The following AP4S1 variants were observed in gnomAD, a reference collection of about 807,000 sequenced individuals.
AP4S1 encodes AP-4 complex subunit sigma-1.
AP4S1 carries 23 observed loss-of-function variants against 19.8 expected under a neutral mutation model. That is an observed-to-expected ratio of 1.16 (90% CI 0.84 to 1.65). AP4S1 has a LOEUF of 1.65. Ranked by LOEUF, AP4S1 falls within the 40% of genes most tolerant of loss-of-function variation. AP4S1 has a pLI of 0.00. For missense variants in AP4S1, 166 were observed against 172.8 expected (o/e 0.96, Z 0.22); for synonymous variants, 46 against 54.1 (o/e 0.85, Z 0.66).
intron 1 of AP4S1, among the ~76,000 whole-genome samples, chr14:31,036,042 A>G (rs1884753009): frequency 6.7e-6 from 1 of 149,610 alleles, no homozygotes; most frequent in Non-Finnish European, 1.5e-5. Context: ...AGACCAGGTT[A>G]TTTATCCTGG....
At chr14:31,026,330 G>A (rs1883931315) in intron 1 of AP4S1, 1 of 847,890 alleles carries the variant, frequency 1.2e-6, no homozygotes, top group Non-Finnish European at 1.6e-6. Flanking sequence ...CCTGCCGTGG[G>A]TCAGAGCAGG....
chr14:31,090,061 T>C (rs2139126300), intron 5 of AP4S1, among the ~76,000 whole-genome samples: 1 of 152,368 alleles, frequency 6.6e-6, no homozygotes, highest in Admixed American at 6.5e-5. Flanking sequence ...CAGTTTTGGC[T>C]CTCTGCAACC....
At chr14:31,047,167 T>C (rs1885456237) in intron 1 of AP4S1, among the ~76,000 whole-genome samples, 1 of 152,212 alleles carries the variant, frequency 6.6e-6, no homozygotes, top group Non-Finnish European at 1.5e-5. Flanking sequence ...ATTTATTTCC[T>C]AATTCATTGT....
In AP4S1 at chr14:31,093,005, A is replaced by G; in HGVS notation, c.405A>G (p.Leu135=). 1.3e-6 allele frequency: 2 copies of G among 1,548,436 alleles called. No individual in the cohort carries two copies. Among genetic ancestry groups the G allele is most frequent in the African/African-American group, 2.7e-5 (2 of 73,068 alleles). ...ETNRARILAP[L]LILDKMSES is the part of the protein sequence containing the mutation. ...ACAGGGCAAGAATTCTTGCCCCTCT[A>G]CTAATTCTTGATAAGATGTCAGAAA... Residue 135 remains leucine (L), a synonymous_variant, in exon 6 of 6, where the codon CTA becomes CTG. Transcript: ENST00000542754.
rs983042307 is a variant in AP4S1, at chr14:31,071,921, G to C, written c.226-984G>C. On this transcript the variant is annotated intron_variant, in intron 3 of 5. Coordinates refer to ENST00000542754, the MANE Select transcript of AP4S1 (RefSeq NM_001128126.3). The stretch of plus-strand genomic sequence containing the variant: ...TATTTATTTATTTATTTATTTATTT[G>C]ATTTTTTTTGGGGGGGTGGGGATGG... Among the ~76,000 whole-genome samples the C allele has an allele frequency of 9.6e-5, 6 of 62,590 alleles. No homozygotes were observed. In the Admixed American group the frequency reaches 1.3e-3, roughly 14 times the overall value. The allele number at this position is 62,590 out of a possible 152,430, so 41.1% of individuals were successfully genotyped here.
chr14:31,073,261 T>G (rs111419410), intron 4 of AP4S1: 105 of 345,586 alleles, frequency 3.0e-4, no homozygotes, highest in Non-Finnish European at 5.4e-4. Flanking sequence ...GAGGCTAAGG[T>G]GGGCAGATCA....
Position 31,025,724 on chromosome 14 carries a change from G to A in AP4S1, c.-135G>A, listed in dbSNP as rs914785946. 2 of 855,820 alleles carry A rather than the reference G, an allele frequency of 2.3e-6. No individual in the cohort carries two copies. Among genetic ancestry groups the A allele is most frequent in the South Asian group, 3.6e-5 (2 of 56,290 alleles). 53.0% of individuals were successfully genotyped at this position (855,820 alleles called of 1,614,324 possible). Reference sequence around the variant, plus strand: ...GAAGGTTGGGGAGCAAGCTTATGCGGGAAAGAGGGAGGGGGACTCCAGGAA... The same window carrying A: ...GAAGGTTGGGGAGCAAGCTTATGCGAGAAAGAGGGAGGGGGACTCCAGGAA... On this transcript the variant is annotated 5_prime_UTR_variant, in exon 1 of 6. Transcript: ENST00000542754.
In AP4S1 at chr14:31,072,931, T is replaced by G. The variant is rs751887034; in HGVS notation, c.252T>G (p.Ile84Met). 3.1e-6 allele frequency: 5 copies of G among 1,613,912 alleles called. No individual in the cohort carries two copies. The highest frequency in any genetic ancestry group is 4.2e-6 in the Non-Finnish European group (5 of 1,179,838). ...TENEMAIYEFIHNFVEVLDEY... is the reference protein window; with the variant it reads ...TENEMAIYEFMHNFVEVLDEY... ...ACGAGATGGCTATTTATGAATTCAT[T>G]CATAACTTTGTGGAAGTTTTAGATG... Residue 84 changes from isoleucine (I) to methionine (M), a missense_variant, in exon 4 of 6, where the codon ATT becomes ATG. Ile to Met is a conservative substitution (Grantham distance 10). Transcript: ENST00000542754.
intron 1 of AP4S1, among the ~76,000 whole-genome samples, chr14:31,063,817 T>G (rs1337423410): frequency 6.6e-6 from 1 of 152,206 alleles, no homozygotes; most frequent in African/African-American, 2.4e-5. Context: ...TTTTGGCAAA[T>G]GTACCATGGT....
chr14:31,065,332 G>A lies in AP4S1; in HGVS notation c.-71-794G>A, dbSNP rs1437949468. Among the ~76,000 whole-genome samples the A allele has an allele frequency of 2.0e-5, 3 of 152,112 alleles. No homozygotes were observed. The East Asian group carries it at 5.8e-4, about 29-fold the overall frequency. On this transcript the variant is annotated intron_variant, in intron 1 of 5. Transcript: ENST00000542754. ...GACCTCACATCAGTGCCCCTTCTCC[G>A]GGAAGCAGTTCTTCACTCTCCTGTG...
At chr14:31,052,864 G>A (rs1481270113) in intron 1 of AP4S1, among the ~76,000 whole-genome samples, 1 of 150,642 alleles carries the variant, frequency 6.6e-6, no homozygotes, top group Non-Finnish European at 1.5e-5. Context: ...CTATTTCCCT[G>A]TAGACTTATC....
intron 1 of AP4S1, among the ~76,000 whole-genome samples, chr14:31,060,789 C>T (rs1886394546): frequency 6.6e-6 from 1 of 152,150 alleles, no homozygotes; most frequent in Non-Finnish European, 1.5e-5. Flanking sequence ...TTCTTCCATG[C>T]AATCTGCTTA....
intron 1 of AP4S1, among the ~76,000 whole-genome samples, chr14:31,030,360 A>T (rs1232344545): frequency 1.3e-5 from 2 of 152,038 alleles, no homozygotes; most frequent in Admixed American, 1.3e-4. Context: ...GTGAGTACTC[A>T]ATTTTTGCTT....
intron 1 of AP4S1, among the ~76,000 whole-genome samples, chr14:31,054,582 T>C (rs987185538): frequency 2.0e-5 from 3 of 152,130 alleles, no homozygotes; most frequent in Non-Finnish European, 2.9e-5. Context: ...CTTGGGAGGC[T>C]GAGGCAGGAG....
At chr14:31,068,471 C>T (rs1240911105) in intron 2 of AP4S1, among the ~76,000 whole-genome samples, 1 of 152,232 alleles carries the variant, frequency 6.6e-6, no homozygotes. Context: ...TGAATTACTA[C>T]TTTGGCCTGC....
At chr14:31,051,409 G>C in intron 1 of AP4S1, among the ~76,000 whole-genome samples, 1 of 152,152 alleles carries the variant, frequency 6.6e-6, no homozygotes, top group East Asian at 1.9e-4. Flanking sequence ...TGTGGCTCAC[G>C]CCTGTAATCC....
At chr14:31,075,394 G>T (rs1459510919) in intron 4 of AP4S1, among the ~76,000 whole-genome samples, 2 of 152,054 alleles carry the variant, frequency 1.3e-5, no homozygotes, top group African/African-American at 2.4e-5. Flanking sequence ...ATTCCATTGT[G>T]TATATATACC....
At chr14:31,085,758 C>T (rs762766279) in intron 5 of AP4S1, 15 of 932,196 alleles carry the variant, frequency 1.6e-5, no homozygotes, top group South Asian at 9.9e-5. Context: ...GGCAACAGAG[C>T]GAGACCTTGT....
chr14:31,074,354 A>AATAAATAAATAT (rs1887230873), intron 4 of AP4S1, among the ~76,000 whole-genome samples: 7 of 143,398 alleles, frequency 4.9e-5, no homozygotes, highest in Admixed American at 1.4e-4. Context: ...TAAATAAATA[A>AATAAATAAATAT]ATAAATAAAT....
Sources: allele counts gnomAD v4.1 joint callset (sites outside exome capture counted in the v4.1 genomes callset), GRCh38; gene constraint gnomAD v4.1.1; transcripts MANE v1.5; gene names NCBI Gene and HGNC (gene_info 2026-07-23, HGNC 2026-07-21).